Variants in ANKRD52 observed in about 807,000 individuals in gnomAD.
ANKRD52 encodes the protein serine/threonine-protein phosphatase 6 regulatory ankyrin repeat subunit C.
A neutral mutation model predicts 116.0 loss-of-function variants in ANKRD52; 7 were observed. The ratio of observed to expected loss-of-function variants is 0.06; its 90% CI spans 0.03 to 0.11. The LOEUF (loss-of-function observed/expected upper bound fraction) is 0.11, where lower values mean the gene tolerates loss of function less well. Ranked by LOEUF, ANKRD52 falls within the 10% of genes least tolerant of loss-of-function variation. The pLI is 1.00. For synonymous variants in ANKRD52, 528 were observed against 578.1 expected (o/e 0.91, Z 1.24); for missense variants, 839 against 1,408.6 (o/e 0.60, Z 6.47).
rs751296224 is a variant in ANKRD52, at chr12:56,243,212, T to A, written c.3161A>T (p.His1054Leu). 6.2e-7 allele frequency: 1 copy of A among 1,613,336 alleles called. No homozygotes were observed. Among genetic ancestry groups the A allele is most frequent in the East Asian group, 2.2e-5 (1 of 44,874 alleles). ...CTGGCTGTAGGGGCAGGAGGCCCCATGGGGCAGGGCGCCGCAGCCACCCAC... is the reference window on the plus strand; with the variant it reads ...CTGGCTGTAGGGGCAGGAGGCCCCAAGGGGCAGGGCGCCGCAGCCACCCAC... ...KTVGGCGALP[H>L]GASCPYSQER... The change falls in exon 28 of 28, where the codon CAT becomes CTT. Residue 1054 changes from histidine (H) to leucine (L), a missense_variant. Around this residue, in one of 2 missense-constraint regions of ANKRD52, gnomAD observed 552 missense variants for 810.6 expected, o/e 0.68. Transcript: ENST00000267116. The surrounding 1 kb of genome is among the most constrained non-coding windows in gnomAD (Gnocchi z 4.6).
At position 56,237,993 on chromosome 12, in the gene ANKRD52, G is replaced by A. The variant is rs1356360136; in HGVS notation, c.*5149C>T. On this transcript the variant is annotated 3_prime_UTR_variant, in exon 28 of 28. Transcript: ENST00000267116. ...TCTGCGGGGAGAACATTGTGCTTTA[G>A]CCCAGGGAGGGGAGGGGTGGGGCAA... 3.6e-6 allele frequency: 1 copy of A among 280,532 alleles called. No individual in the cohort carries two copies. The highest frequency in any genetic ancestry group is 6.5e-6 in the Non-Finnish European group (1 of 152,932). 17.4% of individuals were successfully genotyped at this position (280,532 alleles called of 1,614,324 possible).
chr12:56,241,157 G>T lies in ANKRD52; in HGVS notation c.*1985C>A, dbSNP rs897024010. On this transcript the variant is annotated 3_prime_UTR_variant, in exon 28 of 28. Coordinates refer to ENST00000267116, the MANE Select transcript of ANKRD52 (RefSeq NM_173595.4). ...GGTGTGGAGGGAGGTGGGCAAGAGGGGCGTCACAAGGCCCTTTGGCTTTGA... is the reference window on the plus strand; with the variant it reads ...GGTGTGGAGGGAGGTGGGCAAGAGGTGCGTCACAAGGCCCTTTGGCTTTGA... 2 of 144,858 alleles carry T rather than the reference G, an allele frequency of 1.4e-5. No homozygotes were observed. Among genetic ancestry groups the T allele is most frequent in the African/African-American group, 5.1e-5 (2 of 39,026 alleles). The allele number at this position is 144,858 out of a possible 1,614,324, so 9.0% of individuals were successfully genotyped here. A position where few individuals can be genotyped will look rare whatever the true frequency, so the allele number is the denominator to read the frequency against.
rs1239227495 is a variant in ANKRD52, at chr12:56,240,523, T to G, written c.*2619A>C. The G allele has an allele frequency of 2.8e-5, 4 of 144,084 alleles. No homozygotes were observed. The highest frequency in any genetic ancestry group is 6.1e-5 in the Non-Finnish European group (4 of 65,130). The allele number at this position is 144,084 out of a possible 1,614,324, so 8.9% of individuals were successfully genotyped here. A position where few individuals can be genotyped will look rare whatever the true frequency, so the allele number is the denominator to read the frequency against. ...GGAAGGCGCTGTTCCCTCCCCGCCC[T>G]CCCCCATGAAGACTGGGGGGCATTC... On this transcript the variant is annotated 3_prime_UTR_variant, in exon 28 of 28. Coordinates refer to ENST00000267116, the MANE Select transcript of ANKRD52 (RefSeq NM_173595.4). The surrounding 1 kb of genome is among the most constrained non-coding windows in gnomAD (Gnocchi z 4.2).
chr12:56,254,523 T>G lies in ANKRD52; in HGVS notation c.693+55A>C. 6.3e-7 allele frequency: 1 copy of G among 1,596,626 alleles called. No individual in the cohort carries two copies. The highest frequency in any genetic ancestry group is 8.5e-7 in the Non-Finnish European group (1 of 1,171,632). ...AATACCTCATATCTCCGTAACAGAC[T>G]ATAATCTCCTACTTGCTGCCCATAG... is the stretch of plus-strand genomic sequence containing the variant. On this transcript the variant is annotated intron_variant, in intron 7 of 27. Transcript: ENST00000267116. The surrounding 1 kb of genome is among the most constrained non-coding windows in gnomAD (Gnocchi z 4.6).
rs1000925149 is a variant in ANKRD52 at position 56,240,802 on chromosome 12, T to C, written c.*2340A>G. On this transcript the variant is annotated 3_prime_UTR_variant, in exon 28 of 28. Transcript: ENST00000267116. The surrounding 1 kb of genome is among the most constrained non-coding windows in gnomAD (Gnocchi z 4.2). ...CCTCCCAGCACTGCTGACAGTGCGC[T>C]GAGGGCAGCAGGGCGCAGACAGCCC... 2 of 152,198 alleles carry C rather than the reference T, an allele frequency of 1.3e-5. No homozygotes were observed. Among genetic ancestry groups the C allele is most frequent in the Non-Finnish European group, 2.9e-5 (2 of 68,042 alleles). 9.4% of individuals were successfully genotyped at this position (152,198 alleles called of 1,614,324 possible).
chr12:56,237,976 G>T lies in ANKRD52; in HGVS notation c.*5166C>A. 4 of 320,378 alleles carry T rather than the reference G, an allele frequency of 1.2e-5. No homozygotes were observed. The highest frequency in any genetic ancestry group is 2.3e-5 in the Non-Finnish European group (4 of 176,796). 19.8% of individuals were successfully genotyped at this position (320,378 alleles called of 1,614,324 possible). ...GGGTGCAGGGTCATTAATCTGCGGG[G>T]AGAACATTGTGCTTTAGCCCAGGGA... On this transcript the variant is annotated 3_prime_UTR_variant, in exon 28 of 28. Transcript: ENST00000267116.
rs758534930 is a variant in ANKRD52, at chr12:56,253,420, C to T, written c.986-18G>A. The stretch of plus-strand genomic sequence containing the variant: ...CTCGCTGCCTGTGAGGGGATGCACA[C>T]ACACAAGCTCAGGCAGACCTCAGGC... On this transcript the variant is annotated intron_variant, in intron 9 of 27. Transcript: ENST00000267116. The surrounding 1 kb of genome is among the most constrained non-coding windows in gnomAD (Gnocchi z 5.5). The T allele has an allele frequency of 3.6e-5, 57 of 1,595,800 alleles. No individual in the cohort carries two copies. Among genetic ancestry groups the T allele is most frequent in the Non-Finnish European group, 4.4e-5 (51 of 1,164,318 alleles).
At chr12:56,246,812 C>T (rs1267862507) in intron 20 of ANKRD52, among the ~76,000 whole-genome samples, 2 of 151,258 alleles carry the variant, frequency 1.3e-5, no homozygotes, top group African/African-American at 2.4e-5. Context: ...CCCAGCTACT[C>T]GGGAGGCTGA....
At chr12:56,247,011 G>A (rs1592389364) in intron 20 of ANKRD52, among the ~76,000 whole-genome samples, 2 of 149,398 alleles carry the variant, frequency 1.3e-5, no homozygotes, top group Admixed American at 6.7e-5. Flanking sequence ...AGCTGGGGAC[G>A]TCAGGAACTC....
chr12:56,254,231 A>G lies in ANKRD52; in HGVS notation c.742T>C (p.Tyr248His). Residue 248 changes from tyrosine (Y) to histidine (H), a missense_variant, in exon 8 of 28, where the codon TAC becomes CAC. Around this residue, in one of 2 missense-constraint regions of ANKRD52, gnomAD observed 287 missense variants for 598.1 expected, o/e 0.48. Transcript: ENST00000267116. This position sits in a 1 kb window ranked among gnomAD's most constrained non-coding sequence, Gnocchi z 4.6. ...ATAGCCACAGCATCCTGGCCCAGGT[A>G]GCAGGCGATGTGCAAAGCTGTGTTT... ...FGNTALHIAC[Y>H]LGQDAVAIEL... The G allele has an allele frequency of 6.2e-7, 1 of 1,613,986 alleles. No individual in the cohort carries two copies. Among genetic ancestry groups the G allele is most frequent in the South Asian group, 1.1e-5 (1 of 91,080 alleles).
rs1871106252 is a variant in ANKRD52, at chr12:56,240,341, CCT to C, written c.*2799_*2800del. 6.6e-6 allele frequency: 1 copy of C among 152,228 alleles called. No homozygotes were observed. Among genetic ancestry groups the C allele is most frequent in the Admixed American group, 6.5e-5 (1 of 15,280 alleles). 9.4% of individuals were successfully genotyped at this position (152,228 alleles called of 1,614,324 possible). A position where few individuals can be genotyped will look rare whatever the true frequency, so the allele number is the denominator to read the frequency against. ...ACCCTCTGATTCACACGTCTGTTTCCCTGTCTCCTATGTCGCCCTCGCTCTGT... is the reference window on the plus strand; with the variant it reads ...ACCCTCTGATTCACACGTCTGTTTCCGTCTCCTATGTCGCCCTCGCTCTGT... On this transcript the variant is annotated 3_prime_UTR_variant, in exon 28 of 28. Transcript: ENST00000267116. The surrounding 1 kb of genome is among the most constrained non-coding windows in gnomAD (Gnocchi z 4.2).
rs1246450651 is a variant in ANKRD52 at position 56,244,079 on chromosome 12, T to G, written c.2860A>C (p.Ile954Leu). The G allele has an allele frequency of 6.2e-7, 1 of 1,613,950 alleles. No individual in the cohort carries two copies. Among genetic ancestry groups the G allele is most frequent in the African/African-American group, 1.3e-5 (1 of 75,038 alleles). Residue 954 changes from isoleucine (I) to leucine (L), a missense_variant, in exon 26 of 28, where the codon ATC becomes CTC. Transcript: ENST00000267116. This position sits in a 1 kb window ranked among gnomAD's most constrained non-coding sequence, Gnocchi z 4.9. ...TGCAGCGCACTGTTGGTAGCATTGA[T>G]AAGGCCAAGGTCTTGGGTTTCTGCC... ...ILAETQDLGL[I>L]NATNSALQMP...
chr12:56,242,279 TA>T lies in ANKRD52; in HGVS notation c.*862del. On this transcript the variant is annotated 3_prime_UTR_variant, in exon 28 of 28. Coordinates refer to ENST00000267116, the MANE Select transcript of ANKRD52 (RefSeq NM_173595.4). This position sits in a 1 kb window ranked among gnomAD's most constrained non-coding sequence, Gnocchi z 4.3. ...TCCCCTAAAGGATAAAACGCTTACT[TA>T]AAAATTCATGACAAGCCTCAAAGTT... The T allele has an allele frequency of 2.5e-6, 1 of 397,748 alleles. No homozygotes were observed. Among genetic ancestry groups the T allele is most frequent in the Non-Finnish European group, 4.4e-6 (1 of 225,942 alleles). 24.6% of individuals were successfully genotyped at this position (397,748 alleles called of 1,614,324 possible). A position where few individuals can be genotyped will look rare whatever the true frequency, so the allele number is the denominator to read the frequency against.
intron 1 of ANKRD52, 117 bp downstream of exon 1, chr12:56,258,126 G>GGCGGGAGCT (rs1392464830): frequency 1.3e-6 from 2 of 1,502,362 alleles, no homozygotes; most frequent in Non-Finnish European, 1.8e-6. Context: ...CATGGGGCGG[G>GGCGGGAGCT]GCGGGAGCTG....
chr12:56,245,704 TTGTC>T (rs1871365543), intron 20 of ANKRD52, 108 bp from the exon 21 acceptor site: 4 of 819,914 alleles, frequency 4.9e-6, no homozygotes, highest in Non-Finnish European at 7.2e-6. Flanking sequence ...GCTCCAATCC[TTGTC>T]TTTTTTTTTT....
chr12:56,254,747 G>A lies in ANKRD52; in HGVS notation c.551-27C>T. 1 of 1,601,336 alleles carries A rather than the reference G, an allele frequency of 6.2e-7. No individual in the cohort carries two copies. The highest frequency in any genetic ancestry group is 8.5e-7 in the Non-Finnish European group (1 of 1,170,010). On this transcript the variant is annotated intron_variant, in intron 6 of 27. Transcript: ENST00000267116. The surrounding 1 kb of genome is among the most constrained non-coding windows in gnomAD (Gnocchi z 4.6). ...TGAGAAAAGAGAAGACACTCTAAAGGAAGTAGAAGGTAAACTCTAAGACCC... is the reference window on the plus strand; with the variant it reads ...TGAGAAAAGAGAAGACACTCTAAAGAAAGTAGAAGGTAAACTCTAAGACCC...
chr12:56,258,370 C>T lies in ANKRD52; in HGVS notation c.-101G>A, dbSNP rs943265765. ...CAGGCGGCGGCTGCGGTGGCGGCTG[C>T]AGGGAGAGCGCGGCCCCGCCTACCG... is the stretch of plus-strand genomic sequence containing the variant. On this transcript the variant is annotated 5_prime_UTR_variant, in exon 1 of 28. Coordinates refer to ENST00000267116, the MANE Select transcript of ANKRD52 (RefSeq NM_173595.4). 7.4e-4 allele frequency: 937 copies of T among 1,266,494 alleles called. 11 individuals are homozygous for T. The highest frequency in any genetic ancestry group is 1.1e-4 in the Non-Finnish European group (105 of 997,348). 78.5% of individuals were successfully genotyped at this position (1,266,494 alleles called of 1,614,324 possible).
chr12:56,247,145 G>C (rs1871447571), intron 20 of ANKRD52, among the ~76,000 whole-genome samples: 1 of 150,648 alleles, frequency 6.6e-6, no homozygotes, highest in Non-Finnish European at 1.5e-5. Flanking sequence ...AGGAGTTCAA[G>C]ACCAGCTTGG....
rs1390900643 is a variant in ANKRD52, at chr12:56,252,450, T to C, written c.1370+52A>G. 6.3e-7 allele frequency: 1 copy of C among 1,598,652 alleles called. No homozygotes were observed. Among genetic ancestry groups the C allele is most frequent in the Non-Finnish European group, 8.6e-7 (1 of 1,166,332 alleles). On this transcript the variant is annotated intron_variant, in intron 13 of 27. Coordinates refer to ENST00000267116, the MANE Select transcript of ANKRD52 (RefSeq NM_173595.4). The surrounding 1 kb of genome is among the most constrained non-coding windows in gnomAD (Gnocchi z 4.7). The stretch of plus-strand genomic sequence containing the variant: ...ATCTAAACCCTTCCTCCCTCTACCA[T>C]TTGTTTCTCTAATCAGATATTCCCT...
Sources: allele counts gnomAD v4.1 joint callset (sites outside exome capture counted in the v4.1 genomes callset), GRCh38; gene constraint gnomAD v4.1.1; regional missense constraint gnomAD v4.1.1; non-coding constraint Gnocchi (gnomAD v3.1); transcripts MANE v1.5; gene names NCBI Gene and HGNC (gene_info 2026-07-23, HGNC 2026-07-21).